The following AIG1 variants were observed in gnomAD, a reference collection of about 807,000 sequenced individuals.
AIG1 encodes androgen-induced gene 1 protein.
AIG1 carries 23 observed loss-of-function variants against 31.4 expected under a neutral mutation model. The observed-to-expected ratio is 0.73, with a 90% CI of 0.53 to 1.04. The LOEUF (loss-of-function observed/expected upper bound fraction) is 1.04. Ranked by LOEUF, AIG1 falls within the 50% of genes least tolerant of loss-of-function variation. AIG1 has a pLI of 0.00. For synonymous variants in AIG1, 100 were observed against 110.5 expected, an observed-to-expected ratio of 0.90 and a Z score of 0.60; for missense variants, 274 against 295.0, an observed-to-expected ratio of 0.93 and a Z score of 0.52.
intron 3 of AIG1, among the ~76,000 whole-genome samples, chr6:143,213,897 A>T (rs916666514): frequency 5.3e-5 from 8 of 152,142 alleles, no homozygotes; most frequent in African/African-American, 1.4e-4. Flanking sequence ...TTCACTTGAG[A>T]CTTTAATATG....
At chr6:143,180,604 GAT>G (rs1297209010) in intron 3 of AIG1, among the ~76,000 whole-genome samples, 1 of 152,186 alleles carries the variant, frequency 6.6e-6, no homozygotes, top group Non-Finnish European at 1.5e-5. Context: ...ACAACAATCA[GAT>G]AGTGCCTCGG....
chr6:143,199,061 T>C (rs1366419551), intron 3 of AIG1, among the ~76,000 whole-genome samples: 1 of 152,220 alleles, frequency 6.6e-6, no homozygotes, highest in Non-Finnish European at 1.5e-5. Context: ...GTCTCCTTTC[T>C]CCTTAACCTC....
intron 3 of AIG1, among the ~76,000 whole-genome samples, chr6:143,207,544 A>ACC (rs1491062277): frequency 1.4e-4 from 18 of 132,926 alleles, no homozygotes; most frequent in African/African-American, 4.8e-4. Context: ...ACACACACAC[A>ACC]CCCCTACTCC....
At position 143,136,896 on chromosome 6, in the gene AIG1, G is replaced by A. The variant is rs549007002; in HGVS notation, c.203G>A (p.Arg68Gln). Residue 68 changes from arginine to glutamine, a missense_variant, in exon 2 of 6, where the codon CGA (arginine) becomes CAA (glutamine). Arg to Gln is a conservative substitution (Grantham distance 43). Transcript: ENST00000357847. Reference protein sequence around the residue: ...VLTDLSSLLTRGSGNQEQERQ... With the variant: ...VLTDLSSLLTQGSGNQEQERQ... ...ACTGATCTTTCCAGTCTTCTGACTC[G>A]AGGAAGTGGGAACCAGGAGCAAGAG... 1.2e-5 allele frequency: 19 copies of A among 1,532,252 alleles called. No individual in the cohort carries two copies. The highest frequency in any genetic ancestry group is 6.3e-5 in the South Asian group (5 of 79,800). 94.9% of individuals were successfully genotyped at this position (1,532,252 alleles called of 1,614,324 possible). A position where few individuals can be genotyped will look rare whatever the true frequency, so the allele number is the denominator to read the frequency against.
At chr6:143,171,899 T>G (rs952592756) in intron 3 of AIG1, among the ~76,000 whole-genome samples, 5 of 152,158 alleles carry the variant, frequency 3.3e-5, no homozygotes, top group African/African-American at 1.2e-4. Flanking sequence ...GGTATTGCAT[T>G]GTGGTTTTGA....
chr6:143,264,803 A>G lies in AIG1; in HGVS notation c.400-19307A>G, dbSNP rs151276070. 1.9e-3 allele frequency among the ~76,000 whole-genome samples: 289 copies of G among 152,336 alleles called. 2 individuals are homozygous for G. The highest frequency in any genetic ancestry group is 6.6e-3 in the African/African-American group (276 of 41,582). ...GCATACTGCTCTCTGCTGAAAATAA[A>G]AAGACCATATATCACTGAACACACC... On this transcript the variant is annotated intron_variant, in intron 3 of 5. Coordinates refer to ENST00000357847, the MANE Select transcript of AIG1 (RefSeq NM_016108.4).
At chr6:143,193,849 A>G (rs572214681) in intron 3 of AIG1, among the ~76,000 whole-genome samples, 13 of 152,310 alleles carry the variant, frequency 8.5e-5, no homozygotes, top group Admixed American at 2.6e-4. Context: ...ATCCCATTTC[A>G]TGGAAGGGCA....
In AIG1 at chr6:143,291,709, C is replaced by G. The variant is rs1181932799; in HGVS notation, c.515+7484C>G. Among the ~76,000 whole-genome samples the G allele has an allele frequency of 5.9e-5, 9 of 152,286 alleles. No individual in the cohort carries two copies. In the South Asian group the frequency reaches 1.0e-3, roughly 18 times the overall value. ...TGCATGGAATAAATAAGTAAACCCCCCTCCCATTCAGGGTTCCAGCAATAA... is the reference window on the plus strand; with the variant it reads ...TGCATGGAATAAATAAGTAAACCCCGCTCCCATTCAGGGTTCCAGCAATAA... On this transcript the variant is annotated intron_variant, in intron 4 of 5. Transcript: ENST00000357847. The surrounding 1 kb of genome is among the most constrained non-coding windows in gnomAD (Gnocchi z 4.2).
intron 3 of AIG1, among the ~76,000 whole-genome samples, chr6:143,213,268 C>T (rs1791729341): frequency 6.6e-6 from 1 of 152,138 alleles, no homozygotes; most frequent in South Asian, 2.1e-4. Flanking sequence ...ATGGCAATCA[C>T]TGTGCCAGAT....
chr6:143,276,557 C>G (rs1002052469), intron 3 of AIG1, among the ~76,000 whole-genome samples: 2 of 152,284 alleles, frequency 1.3e-5, no homozygotes, highest in Middle Eastern at 3.4e-3. Flanking sequence ...GAGAGAGATT[C>G]TATGCCATGC....
chr6:143,136,920 A>T lies in AIG1; in HGVS notation c.227A>T (p.Glu76Val). Residue 76 changes from glutamate to valine, a missense_variant, in exon 2 of 6, where the codon GAG becomes GTG. Around this residue, in one of 2 missense-constraint regions of AIG1, gnomAD observed 243 missense variants for 238.5 expected, o/e 1.02. Coordinates refer to ENST00000357847, the MANE Select transcript of AIG1 (RefSeq NM_016108.4). ...CGAGGAAGTGGGAACCAGGAGCAAGAGAGGCAGCTCAAGAAGCTCATCTCT... is the reference window on the plus strand; with the variant it reads ...CGAGGAAGTGGGAACCAGGAGCAAGTGAGGCAGCTCAAGAAGCTCATCTCT... ...LTRGSGNQEQ[E>V]RQLKKLISLR... The T allele has an allele frequency of 9.1e-6, 14 of 1,535,546 alleles. No individual in the cohort carries two copies. The highest frequency in any genetic ancestry group is 1.2e-5 in the Non-Finnish European group (14 of 1,130,262).
chr6:143,188,480 C>A (rs1789482701), intron 3 of AIG1: 2 of 985,230 alleles, frequency 2.0e-6, no homozygotes, highest in Admixed American at 1.2e-4. Flanking sequence ...ACTGGAAGGT[C>A]TCCTTCAGCT....
In AIG1 at chr6:143,217,013, GA is replaced by G. The variant is rs148673979; in HGVS notation, c.399+51833del. The stretch of plus-strand genomic sequence containing the variant: ...CTAGTTAGCAGCAAAACCACTGTTA[GA>G]AAGTCAACAGTAGTATTCTTCATTA... On this transcript the variant is annotated intron_variant, in intron 3 of 5. Transcript: ENST00000357847. 3.2e-3 allele frequency among the ~76,000 whole-genome samples: 490 copies of G among 152,316 alleles called. 10 individuals carry two copies. In the East Asian group the frequency reaches 0.065, roughly 20 times the overall value.
intron 3 of AIG1, among the ~76,000 whole-genome samples, chr6:143,197,788 C>T (rs551992112): frequency 6.6e-6 from 1 of 152,318 alleles, no homozygotes; most frequent in East Asian, 1.9e-4. Flanking sequence ...AGGAGACAAA[C>T]CCTCTGAGAT....
Position 143,297,221 on chromosome 6 carries a change from G to T in AIG1, c.515+12996G>T, listed in dbSNP as rs931141067. Among the ~76,000 whole-genome samples, 3 of 152,138 alleles carry T rather than the reference G, an allele frequency of 2.0e-5. No homozygotes were observed. The highest frequency in any genetic ancestry group is 1.3e-4 in the Admixed American group (2 of 15,278). ...AAGAGTTAGCTTTGTGAAGGTCCAG[G>T]ATAAAAGTGTCCCAGGCAGAAAAAG... On this transcript the variant is annotated intron_variant, in intron 4 of 5. Coordinates refer to ENST00000357847, the MANE Select transcript of AIG1 (RefSeq NM_016108.4). This position sits in a 1 kb window ranked among gnomAD's most constrained non-coding sequence, Gnocchi z 5.1.
chr6:143,110,539 G>A (rs1781175874), intron 1 of AIG1, among the ~76,000 whole-genome samples: 1 of 152,184 alleles, frequency 6.6e-6, no homozygotes. Context: ...TTTATTCCTA[G>A]TTATGTGTCC....
intron 2 of AIG1, among the ~76,000 whole-genome samples, chr6:143,146,137 C>A (rs1050471643): frequency 1.3e-5 from 2 of 151,950 alleles, no homozygotes; most frequent in African/African-American, 4.8e-5. Flanking sequence ...CCTTGAACAC[C>A]CTTCCCCCTA....
intron 3 of AIG1, among the ~76,000 whole-genome samples, chr6:143,168,459 C>A (rs1787177486): frequency 6.7e-6 from 1 of 148,822 alleles, no homozygotes; most frequent in South Asian, 2.1e-4. Context: ...TTCCTGTGTC[C>A]ACGTGTTCTC....
rs929946920 is a variant in AIG1 at position 143,328,572 on chromosome 6, G to A, written c.516-4710G>A. 2.0e-5 allele frequency among the ~76,000 whole-genome samples: 3 copies of A among 152,122 alleles called. No homozygotes were observed. Among genetic ancestry groups the A allele is most frequent in the Non-Finnish European group, 2.9e-5 (2 of 68,024 alleles). ...TGTTTCTCATTACACTGTACTCCAT[G>A]AGGACAGGAGTTAGCTCTGCCTCAT... is the stretch of plus-strand genomic sequence containing the variant. On this transcript the variant is annotated intron_variant, in intron 4 of 5. Transcript: ENST00000357847. This position sits in a 1 kb window ranked among gnomAD's most constrained non-coding sequence, Gnocchi z 4.0.
Sources: allele counts gnomAD v4.1 joint callset (sites outside exome capture counted in the v4.1 genomes callset), GRCh38; gene constraint gnomAD v4.1.1; regional missense constraint gnomAD v4.1.1; non-coding constraint Gnocchi (gnomAD v3.1); transcripts MANE v1.5; gene names NCBI Gene and HGNC (gene_info 2026-07-23, HGNC 2026-07-21).